ZNF536: variants seen among roughly 807,000 people sequenced by gnomAD.
ZNF536 encodes zinc finger protein 536.
A neutral mutation model predicts 84.5 loss-of-function variants in ZNF536; 13 were observed. The observed-to-expected ratio is 0.15, with a 90% CI of 0.10 to 0.24. The LOEUF (loss-of-function observed/expected upper bound fraction) is 0.24, where lower values mean the gene tolerates loss of function less well. ZNF536 is among the 10% of genes least tolerant of loss of function. The pLI is 1.00. For synonymous variants in ZNF536, 811 were observed against 742.5 expected, an observed-to-expected ratio of 1.09 and a Z score of -1.50; for missense variants, 1,536 against 1,747.5, an observed-to-expected ratio of 0.88 and a Z score of 2.16.
Position 30,435,136 on chromosome 19 carries a change from G to A in ZNF536, c.-2-8425G>A, listed in dbSNP as rs552563148. Among the ~76,000 whole-genome samples, 10 of 152,018 alleles carry A rather than the reference G, an allele frequency of 6.6e-5. No homozygotes were observed. The East Asian group carries it at 1.9e-3, about 29-fold the overall frequency. ...TGGTGATGGTGATGATGATGCTGATGATGATGGTGATTATGATGGTGATGG... is the reference window on the plus strand; with the variant it reads ...TGGTGATGGTGATGATGATGCTGATAATGATGGTGATTATGATGGTGATGG... On this transcript the variant is annotated intron_variant, in intron 1 of 4. Transcript: ENST00000355537.
intron 1 of ZNF536, among the ~76,000 whole-genome samples, chr19:30,424,985 T>C (rs2051149394): frequency 6.6e-6 from 1 of 151,988 alleles, no homozygotes; most frequent in African/African-American, 2.4e-5. Flanking sequence ...CGTGGAGCCT[T>C]CTGGGCTTAG....
intron 1 of ZNF536, among the ~76,000 whole-genome samples, chr19:30,229,357 T>C (rs2022839175): frequency 6.6e-6 from 1 of 152,170 alleles, no homozygotes; most frequent in Admixed American, 6.5e-5. Flanking sequence ...ATTTATAAAA[T>C]ACCAACCCTT....
chr19:30,505,334 TA>T (rs942220513), intron 2 of ZNF536, among the ~76,000 whole-genome samples: 2 of 146,002 alleles, frequency 1.4e-5, no homozygotes, highest in Admixed American at 6.9e-5. Context: ...TTATAATATA[TA>T]TTTTATGATA....
At chr19:30,423,653 G>T (rs1282247088) in intron 1 of ZNF536, among the ~76,000 whole-genome samples, 1 of 152,234 alleles carries the variant, frequency 6.6e-6, no homozygotes, top group Non-Finnish European at 1.5e-5. Context: ...GGCTTCTGGA[G>T]TGAGATAACA....
At chr19:30,387,528 C>T (rs2049392925) in intron 1 of ZNF536, among the ~76,000 whole-genome samples, 2 of 152,350 alleles carry the variant, frequency 1.3e-5, no homozygotes, top group East Asian at 3.9e-4. Flanking sequence ...CTTACATCTG[C>T]TGCTGAGAGC....
chr19:30,410,498 G>A (rs1213133634), intron 1 of ZNF536, among the ~76,000 whole-genome samples: 9 of 113,080 alleles, frequency 8.0e-5, no homozygotes, highest in East Asian at 6.0e-4. Flanking sequence ...TTTTTGAGAC[G>A]GAGTCTCGCT....
chr19:30,484,035 CT>C (rs1465044021), intron 2 of ZNF536, among the ~76,000 whole-genome samples: 2 of 152,050 alleles, frequency 1.3e-5, no homozygotes, highest in African/African-American at 4.8e-5. Context: ...AGTCATCCCC[CT>C]GACCCCAAGT....
At chr19:30,619,321 G>A (rs1158242021) in intron 1 of ZNF536, among the ~76,000 whole-genome samples, 1 of 151,936 alleles carries the variant, frequency 6.6e-6, no homozygotes, top group African/African-American at 2.4e-5. Flanking sequence ...TGCCTCTTTT[G>A]TGATGCTTAG....
intron 2 of ZNF536, among the ~76,000 whole-genome samples, chr19:30,332,828 C>A (rs908235182): frequency 6.6e-6 from 1 of 152,198 alleles, no homozygotes; most frequent in Admixed American, 6.5e-5. Flanking sequence ...TGCCTGTAAT[C>A]CCAGCACTTT....
chr19:30,337,179 G>A (rs1000984008), intron 2 of ZNF536, among the ~76,000 whole-genome samples: 1 of 152,112 alleles, frequency 6.6e-6, no homozygotes, highest in Non-Finnish European at 1.5e-5. Context: ...GAGACTGATG[G>A]AAACCCCTGC....
At chr19:30,545,648 C>T (rs552440575) in intron 3 of ZNF536, among the ~76,000 whole-genome samples, 5 of 152,102 alleles carry the variant, frequency 3.3e-5, no homozygotes, top group East Asian at 3.9e-4. Context: ...CCTCTTGCCT[C>T]GGCCTCCCAA....
At chr19:30,547,699 T>C (rs1040143047) in intron 3 of ZNF536, among the ~76,000 whole-genome samples, 1 of 152,216 alleles carries the variant, frequency 6.6e-6, no homozygotes, top group African/African-American at 2.4e-5. Context: ...TTTCACATGT[T>C]AGATAAAGAA....
At chr19:30,466,988 C>G (rs2053441967) in intron 2 of ZNF536, among the ~76,000 whole-genome samples, 1 of 151,996 alleles carries the variant, frequency 6.6e-6, no homozygotes, top group African/African-American at 2.4e-5. Context: ...TTACAGGTGC[C>G]CACCGCCACA....
At chr19:30,248,514 G>A (rs10426524) in intron 1 of ZNF536, among the ~76,000 whole-genome samples, 1 of 151,804 alleles carries the variant, frequency 6.6e-6, no homozygotes, top group East Asian at 1.9e-4. Flanking sequence ...AAATTGCTGA[G>A]ATTGCAGGGG....
At chr19:30,568,645 C>T (rs1300107260) in intron 1 of ZNF536, among the ~76,000 whole-genome samples, 2 of 152,166 alleles carry the variant, frequency 1.3e-5, no homozygotes, top group African/African-American at 4.8e-5. Flanking sequence ...ACATACAGGG[C>T]AGGTCCAATC....
At chr19:30,700,444 C>A (rs59263283) in intron 1 of ZNF536, among the ~76,000 whole-genome samples, 2 of 151,310 alleles carry the variant, frequency 1.3e-5, no homozygotes, top group African/African-American at 4.9e-5. Flanking sequence ...CTGCAGTGCA[C>A]TGGCACTCCA....
intron 1 of ZNF536, among the ~76,000 whole-genome samples, chr19:30,654,466 G>A (rs191175235): frequency 8.1e-4 from 123 of 151,508 alleles, no homozygotes; most frequent in Non-Finnish European, 1.5e-3. Flanking sequence ...TTGCATTGGA[G>A]TCAGATGTGG....
intron 3 of ZNF536, among the ~76,000 whole-genome samples, chr19:30,354,023 C>T (rs1945544170): frequency 6.6e-6 from 1 of 152,150 alleles, no homozygotes; most frequent in South Asian, 2.1e-4. Flanking sequence ...GCTGCCATTT[C>T]CCCTGATCCC....
rs201786880 is a variant in ZNF536, at chr19:30,611,080, C to T, written c.169+61566C>T. On this transcript the variant is annotated intron_variant, in intron 1 of 1. Coordinates refer to the ZNF536 transcript ENST00000592773. ...GACAACTTGTGGAAAATAGGAAGGT[C>T]GTTGTTAGGATAGGGTTAGGAGAGG... 1.2e-4 allele frequency among the ~76,000 whole-genome samples: 18 copies of T among 152,214 alleles called. No homozygotes were observed. The East Asian group carries it at 3.1e-3, about 26-fold the overall frequency.
Sources: gnomAD v4.1 joint callset for allele counts (sites outside exome capture counted in the v4.1 genomes callset) on GRCh38, gnomAD v4.1.1 for gene constraint, MANE v1.5 for transcripts, NCBI Gene and HGNC (gene_info 2026-07-23, HGNC 2026-07-21) for gene names.